The following STN1 variants were observed in gnomAD, a reference collection of about 807,000 sequenced individuals.
STN1 encodes the protein STN1 subunit of CST complex.
In STN1, 29 loss-of-function variants were observed where a neutral mutation model predicts 45.5. That is an observed-to-expected ratio of 0.64 (90% confidence interval 0.47 to 0.87). The LOEUF is 0.87. STN1 is among the 40% of genes least tolerant of loss of function. STN1 has a pLI of 0.00. For missense variants in STN1, 376 were observed against 441.4 expected (o/e 0.85, Z 1.33); for synonymous variants, 148 against 159.0 (o/e 0.93, Z 0.52).
chr10:103,912,208 G>A (rs1174300571), intron 2 of STN1, among the ~76,000 whole-genome samples: 1 of 151,938 alleles, frequency 6.6e-6, no homozygotes, highest in Non-Finnish European at 1.5e-5. Flanking sequence ...CTGGTCTCAA[G>A]CAGAAGCCCA....
chr10:103,905,291 T>C (rs1843233668), intron 3 of STN1, 135 bp from the exon 4 acceptor site: 1 of 763,446 alleles, frequency 1.3e-6, no homozygotes, highest in Admixed American at 2.1e-5. Context: ...TATCAAACTC[T>C]CCTTCCACCT....
At chr10:103,897,118 G>A (rs913828053) in intron 7 of STN1, among the ~76,000 whole-genome samples, 2 of 152,252 alleles carry the variant, frequency 1.3e-5, no homozygotes, top group Non-Finnish European at 2.9e-5. Flanking sequence ...TAAAGACCGA[G>A]TTGTATTCAG....
rs1843040008 is a variant in STN1, at chr10:103,877,730, A to G, written c.*4954T>C. 1 of 152,254 alleles carries G rather than the reference A, an allele frequency of 6.6e-6. No individual in the cohort carries two copies. The highest frequency in any genetic ancestry group is 1.5e-5 in the Non-Finnish European group (1 of 68,040). 9.4% of individuals were successfully genotyped at this position (152,254 alleles called of 1,614,324 possible). On this transcript the variant is annotated 3_prime_UTR_variant, in exon 10 of 10. Coordinates refer to ENST00000224950, the MANE Select transcript of STN1 (RefSeq NM_024928.5). ...ACATTTACAGCCTCCACCAGCAGAA[A>G]TCATGCAAATAAGAACCACTGCAGA...
At chr10:103,896,303 T>C (rs1221117928) in intron 7 of STN1, among the ~76,000 whole-genome samples, 2 of 152,058 alleles carry the variant, frequency 1.3e-5, no homozygotes, top group East Asian at 3.9e-4. Context: ...GATGGAGGAA[T>C]AGGCAAGCAA....
intron 4 of STN1, among the ~76,000 whole-genome samples, chr10:103,904,073 G>A (rs937667814): frequency 2.1e-5 from 3 of 144,548 alleles, no homozygotes; most frequent in Admixed American, 6.9e-5. Flanking sequence ...ACACGTAATG[G>A]CAAAAAAGAA....
intron 4 of STN1, among the ~76,000 whole-genome samples, chr10:103,903,348 A>C (rs527752789): frequency 9.3e-4 from 141 of 152,352 alleles, no homozygotes; most frequent in Admixed American, 3.6e-3. Flanking sequence ...TTGTGACAAC[A>C]ACCAAAAATC....
chr10:103,887,636 C>T (rs933801349), intron 9 of STN1, among the ~76,000 whole-genome samples: 3 of 152,218 alleles, frequency 2.0e-5, no homozygotes, highest in Admixed American at 2.0e-4. Context: ...CAGAATTCAG[C>T]TCCTGGGAGT....
At chr10:103,888,521 C>G (rs1164773243) in intron 9 of STN1, among the ~76,000 whole-genome samples, 1 of 152,196 alleles carries the variant, frequency 6.6e-6, no homozygotes, top group Non-Finnish European at 1.5e-5. Flanking sequence ...AAACTATTTT[C>G]TAAACCATGT....
chr10:103,880,000 T>G lies in STN1; in HGVS notation c.*2684A>C, dbSNP rs540275697. On this transcript the variant is annotated 3_prime_UTR_variant, in exon 10 of 10. Transcript: ENST00000224950. The stretch of plus-strand genomic sequence containing the variant: ...GACCTCTGGCTGGTGACGGCCCACC[T>G]GGGCCTCGCTTGACCATGCTACCTG... Among the ~76,000 whole-genome samples the G allele has an allele frequency of 1.3e-5, 2 of 152,346 alleles. No individual in the cohort carries two copies. The highest frequency in any genetic ancestry group is 4.8e-5 in the African/African-American group (2 of 41,586).
chr10:103,905,090 C>G lies in STN1; in HGVS notation c.295+1G>C. On this transcript the variant is annotated splice_donor_variant, in intron 4 of 9. Coordinates refer to ENST00000224950, the MANE Select transcript of STN1 (RefSeq NM_024928.5). LOFTEE classifies it high-confidence loss of function. ...TAAAGGAATGTGGCAAATAAAATTACCTGATACAGACTCAGTATTCAACTT... is the reference window on the plus strand; with the variant it reads ...TAAAGGAATGTGGCAAATAAAATTAGCTGATACAGACTCAGTATTCAACTT... 1 of 1,613,034 alleles carries G rather than the reference C, an allele frequency of 6.2e-7. No individual in the cohort carries two copies. The highest frequency in any genetic ancestry group is 8.5e-7 in the Non-Finnish European group (1 of 1,179,020).
chr10:103,916,300 T>C (rs963725895), intron 2 of STN1, among the ~76,000 whole-genome samples: 2 of 152,188 alleles, frequency 1.3e-5, no homozygotes, highest in Admixed American at 1.3e-4. Context: ...CAGAAGATCA[T>C]TAAGCAAGGC....
At chr10:103,893,834 C>T (rs895418307) in intron 7 of STN1, among the ~76,000 whole-genome samples, 1 of 152,218 alleles carries the variant, frequency 6.6e-6, no homozygotes, top group African/African-American at 2.4e-5. Context: ...CAGCCTAACA[C>T]ACTAATTGAA....
chr10:103,887,208 T>A (rs1202933660), intron 9 of STN1, among the ~76,000 whole-genome samples: 9 of 152,242 alleles, frequency 5.9e-5, no homozygotes, highest in African/African-American at 1.4e-4. Context: ...ACGTAGGCAC[T>A]TTCATGTGTA....
At chr10:103,885,891 G>A (rs772149115) in intron 9 of STN1, among the ~76,000 whole-genome samples, 2 of 152,098 alleles carry the variant, frequency 1.3e-5, no homozygotes, top group African/African-American at 2.4e-5. Flanking sequence ...TGATAACTGC[G>A]CCTTATATTT....
chr10:103,900,140 C>G lies in STN1; in HGVS notation c.379G>C (p.Glu127Gln). ...CTGACTCGGATCGTGTCCCCGATCT[C>G]TATCTTTGTTTTCTGCTCAATGGTC... is the stretch of plus-strand genomic sequence containing the variant. The part of the protein sequence containing the change: ...QETIEQKTKI[E>Q]IGDTIRVRGS... The change falls in exon 5 of 10, where the codon GAG becomes CAG. Residue 127 changes from glutamate to glutamine, a missense_variant. Coordinates refer to ENST00000224950, the MANE Select transcript of STN1 (RefSeq NM_024928.5). The G allele has an allele frequency of 6.2e-7, 1 of 1,614,166 alleles. No individual in the cohort carries two copies. The highest frequency in any genetic ancestry group is 8.5e-7 in the Non-Finnish European group (1 of 1,180,026).
chr10:103,890,684 T>C (rs1843134302), intron 8 of STN1, among the ~76,000 whole-genome samples: 1 of 152,230 alleles, frequency 6.6e-6, no homozygotes, highest in Non-Finnish European at 1.5e-5. Context: ...TGGGAGGCAC[T>C]CGCCCTTATG....
chr10:103,917,606 G>T lies in STN1; in HGVS notation c.-12C>A, dbSNP rs1346186560. Reference sequence around the variant, plus strand: ...GATCCAGGCTGCATCAAGAGGCAGGGCTGTGGCTTCCAGCTAACTCTGAAA... The same window carrying T: ...GATCCAGGCTGCATCAAGAGGCAGGTCTGTGGCTTCCAGCTAACTCTGAAA... On this transcript the variant is annotated 5_prime_UTR_variant, in exon 2 of 10. Coordinates refer to ENST00000224950, the MANE Select transcript of STN1 (RefSeq NM_024928.5). The T allele has an allele frequency of 6.2e-7, 1 of 1,612,072 alleles. No individual in the cohort carries two copies. The highest frequency in any genetic ancestry group is 8.5e-7 in the Non-Finnish European group (1 of 1,179,106).
rs533750785 is a variant in STN1, at chr10:103,901,391, G to GT, written c.296-1169dup. On this transcript the variant is annotated intron_variant, in intron 4 of 9. Transcript: ENST00000224950. ...TACAGTTTTATAAATTTTTACTTTCGTTTTTTTCACTAGCACTGTATGGGG... is the reference window on the plus strand; with the variant it reads ...TACAGTTTTATAAATTTTTACTTTCGTTTTTTTTCACTAGCACTGTATGGGG... Among the ~76,000 whole-genome samples, 3 of 152,128 alleles carry GT rather than the reference G, an allele frequency of 2.0e-5. No homozygotes were observed. The East Asian group carries it at 5.8e-4, about 29-fold the overall frequency.
chr10:103,906,574 T>C (rs1843243063), intron 3 of STN1, among the ~76,000 whole-genome samples: 1 of 152,026 alleles, frequency 6.6e-6, no homozygotes, highest in Non-Finnish European at 1.5e-5. Flanking sequence ...GGTGGGAGAA[T>C]TGCTTGAGCC....
Sources: allele counts gnomAD v4.1 joint callset (sites outside exome capture counted in the v4.1 genomes callset), GRCh38; gene constraint gnomAD v4.1.1; transcripts MANE v1.5; gene names NCBI Gene and HGNC (gene_info 2026-07-23, HGNC 2026-07-21).